CTNNB1: variants seen among roughly 807,000 people sequenced by gnomAD.
CTNNB1 encodes the protein catenin beta 1, also known as catenin beta-1.
In CTNNB1, 6 loss-of-function variants were observed where a neutral mutation model predicts 82.5. The ratio of observed to expected loss-of-function variants is 0.07; its 90% CI spans 0.04 to 0.14. The LOEUF is 0.14. Among genes scored for constraint, CTNNB1 ranks in the 10% least tolerant of loss-of-function variants. CTNNB1 has a pLI of 1.00. For synonymous variants in CTNNB1, 312 were observed against 329.7 expected, an observed-to-expected ratio of 0.95 and a Z score of 0.58; for missense variants, 529 against 980.4, an observed-to-expected ratio of 0.54 and a Z score of 6.15.
At chr3:41,205,768 C>T (rs770554375) in intron 1 of CTNNB1, among the ~76,000 whole-genome samples, 4 of 152,182 alleles carry the variant, frequency 2.6e-5, no homozygotes, top group Non-Finnish European at 5.9e-5. Context: ...GTTTAAAAAG[C>T]ATCATCTGAA....
intron 3 of CTNNB1, 61 bp from the exon 4 acceptor site, chr3:41,224,893 T>C (rs2125619160): frequency 6.2e-7 from 1 of 1,611,318 alleles, no homozygotes; most frequent in Non-Finnish European, 8.5e-7. Context: ...CCATTTAGGA[T>C]AGCAAATACT....
At chr3:41,217,114 T>A (rs1040617937) in intron 1 of CTNNB1, among the ~76,000 whole-genome samples, 1 of 152,214 alleles carries the variant, frequency 6.6e-6, no homozygotes, top group Admixed American at 6.5e-5. Context: ...CTCTGCCTTC[T>A]AGTTACACTG....
intron 1 of CTNNB1, among the ~76,000 whole-genome samples, chr3:41,209,068 T>C (rs1174088359): frequency 6.6e-6 from 1 of 152,244 alleles, no homozygotes; most frequent in Non-Finnish European, 1.5e-5. Context: ...ATTGCTACAG[T>C]TGCTTGAAAT....
chr3:41,219,443 CTTTTTATGTA>C (rs1284274080), intron 1 of CTNNB1, among the ~76,000 whole-genome samples: 2 of 152,106 alleles, frequency 1.3e-5, no homozygotes, highest in Non-Finnish European at 2.9e-5. Context: ...TATCAAGGGG[CTTTTTATGTA>C]TACTGTATAC....
chr3:41,226,893 A>G (rs187908600), intron 6 of CTNNB1, among the ~76,000 whole-genome samples: 2 of 152,268 alleles, frequency 1.3e-5, no homozygotes, highest in African/African-American at 4.8e-5. Context: ...ATCTTAGGGC[A>G]TTACTCTTGC....
chr3:41,232,173 G>C (rs563151056), intron 7 of CTNNB1, among the ~76,000 whole-genome samples: 36 of 152,182 alleles, frequency 2.4e-4, no homozygotes, highest in Non-Finnish European at 4.0e-4. Flanking sequence ...ATCAGAATGT[G>C]TGTGTTTTAA....
chr3:41,205,533 A>C (rs748059069), intron 1 of CTNNB1, among the ~76,000 whole-genome samples: 1 of 152,130 alleles, frequency 6.6e-6, no homozygotes, highest in Admixed American at 6.5e-5. Context: ...AAAATTAGCC[A>C]GGCATGGTGG....
At chr3:41,232,905 T>C (rs1242802227) in intron 7 of CTNNB1, among the ~76,000 whole-genome samples, 1 of 152,294 alleles carries the variant, frequency 6.6e-6, no homozygotes, top group Non-Finnish European at 1.5e-5. Flanking sequence ...GGTTTTAGTT[T>C]ATTGTATATT....
intron 11 of CTNNB1, 197 bp from the exon 12 acceptor site, chr3:41,236,152 G>A (rs557241866): frequency 1.4e-5 from 11 of 802,800 alleles, no homozygotes; most frequent in East Asian, 9.8e-5. Context: ...TGAAGAAAGG[G>A]TTTATAGCTA....
At chr3:41,207,713 C>T (rs1279712849) in intron 1 of CTNNB1, among the ~76,000 whole-genome samples, 1 of 152,158 alleles carries the variant, frequency 6.6e-6, no homozygotes, top group Non-Finnish European at 1.5e-5. Flanking sequence ...ATCTGAAATC[C>T]ATTCATTGTA....
In CTNNB1 at chr3:41,225,649, C is replaced by T; in HGVS notation, c.735-11C>T. 1 of 1,614,046 alleles carries T rather than the reference C, an allele frequency of 6.2e-7. No individual in the cohort carries two copies. The highest frequency in any genetic ancestry group is 1.1e-5 in the South Asian group (1 of 91,080). ...ACAATATTTCTGATGAGGCTTTTTTCTTCTTCCCAGTTCACCAGTGGATTC... is the reference window on the plus strand; with the variant it reads ...ACAATATTTCTGATGAGGCTTTTTTTTTCTTCCCAGTTCACCAGTGGATTC... On this transcript the variant is annotated splice_polypyrimidine_tract_variant and intron_variant, in intron 5 of 14. Coordinates refer to ENST00000349496, the MANE Select transcript of CTNNB1 (RefSeq NM_001904.4). The surrounding 1 kb of genome is among the most constrained non-coding windows in gnomAD (Gnocchi z 5.3).
intron 1 of CTNNB1, among the ~76,000 whole-genome samples, chr3:41,204,427 CTAAGAA>C (rs2077601607): frequency 6.6e-6 from 1 of 152,158 alleles, no homozygotes. Flanking sequence ...AGATATGTTA[CTAAGAA>C]TAAGATCGCT....
chr3:41,205,938 G>A (rs1361751922), intron 1 of CTNNB1, among the ~76,000 whole-genome samples: 1 of 152,134 alleles, frequency 6.6e-6, no homozygotes, highest in African/African-American at 2.4e-5. Context: ...AAAGTTTCTT[G>A]TGTAATATCC....
chr3:41,227,187 T>TATATA, intron 6 of CTNNB1, 21 bp from the exon 7 acceptor site: 1 of 1,350,126 alleles, frequency 7.4e-7, no homozygotes, highest in South Asian at 1.2e-5. Context: ...ACTAACAAGA[T>TATATA]ATATATATAT....
rs752745562 is a variant in CTNNB1, at chr3:41,233,750, T to A, written c.1407T>A (p.Arg469=). 11 of 1,613,924 alleles carry A rather than the reference T, an allele frequency of 6.8e-6. No individual in the cohort carries two copies. The highest frequency in any genetic ancestry group is 4.2e-6 in the Non-Finnish European group (5 of 1,179,934). The change falls in exon 9 of 15, where the codon CGT becomes CGA. Residue 469 remains arginine, a synonymous_variant. Transcript: ENST00000349496. The part of the protein sequence containing the change: ...DITEPAICAL[R]HLTSRHQEAE... ...CTGAGCCTGCCATCTGTGCTCTTCGTCATCTGACCAGCCGACACCAAGAAG... is the reference window on the plus strand; with the variant it reads ...CTGAGCCTGCCATCTGTGCTCTTCGACATCTGACCAGCCGACACCAAGAAG...
intron 1 of CTNNB1, among the ~76,000 whole-genome samples, chr3:41,217,090 G>C (rs1184253383): frequency 6.6e-6 from 1 of 152,092 alleles, no homozygotes; most frequent in East Asian, 1.9e-4. Context: ...TCTCATCTCT[G>C]TCTCTTCATG....
chr3:41,226,874 A>G (rs907525072), intron 6 of CTNNB1, among the ~76,000 whole-genome samples: 1 of 152,192 alleles, frequency 6.6e-6, no homozygotes, highest in South Asian at 2.1e-4. Flanking sequence ...CAGTTTTGAT[A>G]TAACTTTCAT....
chr3:41,229,876 CTGTGTG>C lies in CTNNB1; in HGVS notation c.1081+2550_1081+2555del, dbSNP rs58153157. 2.9e-4 allele frequency among the ~76,000 whole-genome samples: 42 copies of C among 147,226 alleles called. No individual in the cohort carries two copies. In the East Asian group the frequency reaches 4.2e-3, roughly 15 times the overall value. On this transcript the variant is annotated intron_variant, in intron 7 of 14. Coordinates refer to ENST00000349496, the MANE Select transcript of CTNNB1 (RefSeq NM_001904.4). The stretch of plus-strand genomic sequence containing the variant: ...GGTTTGTACTAGGGCCTCTTGGGTT[CTGTGTG>C]TGTGTGTGTGTGTGTGTGTGTGTGT...
At chr3:41,227,925 C>G (rs554178698) in intron 7 of CTNNB1, among the ~76,000 whole-genome samples, 4 of 152,052 alleles carry the variant, frequency 2.6e-5, no homozygotes, top group Admixed American at 2.6e-4. Context: ...TCTTTGTGCC[C>G]GTGTGTACTC....
Sources: gnomAD v4.1 joint callset for allele counts (sites outside exome capture counted in the v4.1 genomes callset) on GRCh38, gnomAD v4.1.1 for gene constraint, Gnocchi (gnomAD v3.1) non-coding constraint, MANE v1.5 for transcripts, NCBI Gene and HGNC (gene_info 2026-07-23, HGNC 2026-07-21) for gene names.